The following MUC5AC variants were observed in gnomAD, a reference collection of about 807,000 sequenced individuals.
The protein encoded by MUC5AC is mucin-5AC.
MUC5AC carries 158 observed loss-of-function variants against 169.7 expected under a neutral mutation model. That is an observed-to-expected ratio of 0.93 (90% CI 0.82 to 1.06). The LOEUF (loss-of-function observed/expected upper bound fraction) is 1.06. Ranked by LOEUF, MUC5AC falls within the 50% of genes least tolerant of loss-of-function variation. The pLI, the probability that MUC5AC is intolerant of heterozygous loss-of-function variation, is 0.00. For synonymous variants in MUC5AC, 1,975 were observed against 1,237.0 expected (o/e 1.60, Z -12.52); for missense variants, 4,359 against 3,089.9 (o/e 1.41, Z -9.74).
Position 1,192,010 on chromosome 11 carries a change from C to G in MUC5AC, c.13865C>G (p.Pro4622Arg), listed in dbSNP as rs754906246. ...LSVSKTTHSQ[P>R]VTSDCHPLCA... ...GTATCCAAGACAACCCACTCCCAAC[C>G]AGTCACCAGTGACTGTCATCCTCTG... is the stretch of plus-strand genomic sequence containing the variant. The change falls in exon 31 of 49, where the codon CCA becomes CGA. Residue 4622 changes from proline (P) to arginine (R), a missense_variant. Physicochemically the swap from Pro to Arg is moderately radical, Grantham distance 103. Transcript: ENST00000621226. The G allele has an allele frequency of 3.9e-6, 3 of 765,042 alleles. No homozygotes were observed. Among genetic ancestry groups the G allele is most frequent in the Non-Finnish European group, 7.2e-6 (3 of 417,930 alleles). The allele number at this position is 765,042 out of a possible 1,614,324, so 47.4% of individuals were successfully genotyped here.
rs1316423456 is a variant in MUC5AC, at chr11:1,200,925, G to A, written c.*223G>A. The A allele has an allele frequency of 7.2e-5, 31 of 432,726 alleles. No homozygotes were observed. The East Asian group carries it at 9.6e-4, about 13-fold the overall frequency. The allele number at this position is 432,726 out of a possible 1,614,324, so 26.8% of individuals were successfully genotyped here. A position where few individuals can be genotyped will look rare whatever the true frequency, so the allele number is the denominator to read the frequency against. ...GCAGCCACCTCTCAGGACCAGCCCC[G>A]GGGCTGGCCGAGCTCCTCTGGCCAT... is the stretch of plus-strand genomic sequence containing the variant. On this transcript the variant is annotated 3_prime_UTR_variant, in exon 49 of 49. Transcript: ENST00000621226.
chr11:1,173,441 T>G (rs1860600000), intron 16 of MUC5AC, among the ~76,000 whole-genome samples: 1 of 151,776 alleles, frequency 6.6e-6, no homozygotes. Flanking sequence ...ATTCATCCAC[T>G]CATCCACTCA....
chr11:1,194,430 G>T (rs751238188), intron 34 of MUC5AC, 57 bp from the exon 35 acceptor site: 8 of 713,156 alleles, frequency 1.1e-5, no homozygotes, highest in Admixed American at 5.7e-5. Context: ...CCTGAGCAGC[G>T]GCTGACCGCC....
intron 48 of MUC5AC, 104 bp from the exon 49 acceptor site, chr11:1,200,334 G>A (rs1564922415): frequency 3.3e-6 from 2 of 606,154 alleles, no homozygotes; most frequent in East Asian, 5.5e-5. Flanking sequence ...ATGCCTCCAG[G>A]AGCAGGGAAC....
At chr11:1,197,064 G>A (rs566667522) in intron 40 of MUC5AC, among the ~76,000 whole-genome samples, 156 bp downstream of exon 40, 4 of 152,302 alleles carry the variant, frequency 2.6e-5, no homozygotes, top group South Asian at 4.1e-4. Context: ...GGGAGGAGCC[G>A]GGCTCCCAGA....
At chr11:1,169,602 C>T (rs1860438677) in intron 15 of MUC5AC, among the ~76,000 whole-genome samples, 1 of 146,978 alleles carries the variant, frequency 6.8e-6, no homozygotes, top group Non-Finnish European at 1.5e-5. Flanking sequence ...ACCTCACTCA[C>T]TCACCCACTC....
intron 35 of MUC5AC, among the ~76,000 whole-genome samples, 154 bp from the exon 36 acceptor site, chr11:1,194,858 C>T (rs867732585): frequency 3.2e-4 from 49 of 152,242 alleles, no homozygotes; most frequent in African/African-American, 1.2e-3. Flanking sequence ...AGGGACTGTC[C>T]CAGGGTTGTT....
At position 1,161,255 on chromosome 11, in the gene MUC5AC, C is replaced by T. The variant is rs539065935; in HGVS notation, c.152-272C>T. Among the ~76,000 whole-genome samples, 200 of 152,208 alleles carry T rather than the reference C, an allele frequency of 1.3e-3. 1 individual carries two copies. Among genetic ancestry groups the T allele is most frequent in the Non-Finnish European group, 2.4e-3 (162 of 68,014 alleles). ...CTGATGCAGACTCAGGTTCTGAGGC[C>T]CATGGGCATGTGAGAGCTGGCAGCC... On this transcript the variant is annotated intron_variant, in intron 2 of 48. Coordinates refer to ENST00000621226, the MANE Select transcript of MUC5AC (RefSeq NM_001304359.2).
intron 11 of MUC5AC, among the ~76,000 whole-genome samples, chr11:1,166,422 A>C (rs1359904461): frequency 7.2e-6 from 1 of 139,516 alleles, no homozygotes; most frequent in Non-Finnish European, 1.5e-5. Flanking sequence ...CAGTCTCTGC[A>C]CGATGAGAGC....
rs1209194454 is a variant in MUC5AC at position 1,189,801 on chromosome 11, A to C, written c.11656A>C (p.Ser3886Arg). 1.2e-5 allele frequency: 9 copies of C among 724,660 alleles called. No homozygotes were observed. Among genetic ancestry groups the C allele is most frequent in the Non-Finnish European group, 2.0e-5 (8 of 396,894 alleles). The allele number at this position is 724,660 out of a possible 1,614,324, so 44.9% of individuals were successfully genotyped here. A position where few individuals can be genotyped will look rare whatever the true frequency, so the allele number is the denominator to read the frequency against. The change falls in exon 31 of 49, where the codon AGC (serine) becomes CGC (arginine). Residue 3886 changes from serine to arginine, a missense_variant. Ser to Arg is a moderately radical substitution (Grantham distance 110, BLOSUM62 -1). Transcript: ENST00000621226. ...TTSTTSFHTT[S>R]TTSPPTSSTS... Reference sequence around the variant, plus strand: ...CAGCACAACCTCTTTCCATACAACCAGCACAACCTCTCCCCCTACAAGCAG... The same window carrying C: ...CAGCACAACCTCTTTCCATACAACCCGCACAACCTCTCCCCCTACAAGCAG...
In MUC5AC at chr11:1,186,685, C is replaced by G. The variant is rs1333975671; in HGVS notation, c.8540C>G (p.Ala2847Gly). ...SPVPTTSTTS[A>G]PTTSTTSAPT... ...GTTCCCACCACCAGCACAACCTCTG[C>G]CCCTACAACCAGCACAACCTCTGCC... Residue 2847 changes from alanine to glycine, a missense_variant, in exon 31 of 49, where the codon GCC becomes GGC. By Grantham distance (60) the Ala-to-Gly change is moderately conservative. Coordinates refer to ENST00000621226, the MANE Select transcript of MUC5AC (RefSeq NM_001304359.2). The G allele has an allele frequency of 1.4e-6, 1 of 738,196 alleles. No individual in the cohort carries two copies. Among genetic ancestry groups the G allele is most frequent in the East Asian group, 2.5e-5 (1 of 39,896 alleles). 45.7% of individuals were successfully genotyped at this position (738,196 alleles called of 1,614,324 possible). A position where few individuals can be genotyped will look rare whatever the true frequency, so the allele number is the denominator to read the frequency against.
intron 39 of MUC5AC, 69 bp downstream of exon 39, chr11:1,196,789 G>A (rs1201129676): frequency 1.4e-6 from 1 of 732,056 alleles, no homozygotes; most frequent in Non-Finnish European, 2.5e-6. Context: ...CAGGTCCTGG[G>A]GTCTACCCTG....
At chr11:1,174,801 A>G in intron 17 of MUC5AC, 81 bp from the exon 18 acceptor site, 1 of 455,188 alleles carries the variant, frequency 2.2e-6, no homozygotes, top group South Asian at 4.2e-5. Flanking sequence ...AGGGTAGCCG[A>G]GAGGGCTGGG....
At chr11:1,164,991 C>T (rs1287752414) in intron 9 of MUC5AC, among the ~76,000 whole-genome samples, 886 of 75,586 alleles carry the variant, frequency 0.012, no homozygotes, top group Non-Finnish European at 0.014. Flanking sequence ...GCCCCTGTCC[C>T]GGGCCCCTGA....
chr11:1,170,166 C>T (rs1860461612), intron 15 of MUC5AC, among the ~76,000 whole-genome samples: 1 of 55,954 alleles, frequency 1.8e-5, no homozygotes, highest in African/African-American at 1.0e-4. Context: ...CATTCACTCA[C>T]TCACCCACTC....
chr11:1,168,435 G>A (rs779238369), intron 12 of MUC5AC, 48 bp from the exon 13 acceptor site: 1 of 1,576,612 alleles, frequency 6.3e-7, no homozygotes. Flanking sequence ...CGGGGCTGAG[G>A]TGCCGCAAGC....
At chr11:1,193,033 A>G (rs1004682283) in intron 32 of MUC5AC, 51 bp downstream of exon 32, 3 of 626,376 alleles carry the variant, frequency 4.8e-6, no homozygotes, top group Non-Finnish European at 8.7e-6. Flanking sequence ...CCTACAGGGA[A>G]CTTGAATGTC....
rs1554928238 is a variant in MUC5AC at position 1,187,485 on chromosome 11, G to C, written c.9340G>C (p.Ala3114Pro). Reference sequence around the variant, plus strand: ...AACCAGCACAACCTCTGCCTCTACAGCCAGCAAAACCTCTGGTCTTGGAAC... The same window carrying C: ...AACCAGCACAACCTCTGCCTCTACACCCAGCAAAACCTCTGGTCTTGGAAC... ...PTTSTTSAST[A>P]SKTSGLGTTP... The change falls in exon 31 of 49, where the codon GCC becomes CCC. Residue 3114 changes from alanine to proline, a missense_variant. By Grantham distance (27) the Ala-to-Pro change is conservative. Transcript: ENST00000621226. 5.5e-6 allele frequency: 4 copies of C among 727,648 alleles called. No individual in the cohort carries two copies. The highest frequency in any genetic ancestry group is 1.9e-5 in the Admixed American group (1 of 53,194). 45.1% of individuals were successfully genotyped at this position (727,648 alleles called of 1,614,324 possible). A position where few individuals can be genotyped will look rare whatever the true frequency, so the allele number is the denominator to read the frequency against.
In MUC5AC at chr11:1,194,213, C is replaced by T. The variant is rs183229727; in HGVS notation, c.14859C>T (p.Pro4953=). Reference sequence around the variant, plus strand: ...ACGTGCTGGTGCAGCAGATTGTGCCCGTGTATGGCCACTTCCGCGTGCTCG... The same window carrying T: ...ACGTGCTGGTGCAGCAGATTGTGCCTGTGTATGGCCACTTCCGCGTGCTCG... ...CTYVLVQQIV[P]VYGHFRVLVD... is the part of the protein sequence containing the mutation. The change falls in exon 34 of 49, where the codon CCC becomes CCT. Residue 4953 remains proline, a synonymous_variant. Transcript: ENST00000621226. 1.7e-4 allele frequency: 129 copies of T among 765,030 alleles called. No individual in the cohort carries two copies. The African/African-American group carries it at 1.8e-3, about 11-fold the overall frequency. The allele number at this position is 765,030 out of a possible 1,614,324, so 47.4% of individuals were successfully genotyped here. A position where few individuals can be genotyped will look rare whatever the true frequency, so the allele number is the denominator to read the frequency against.
Sources: gnomAD v4.1 joint callset for allele counts (sites outside exome capture counted in the v4.1 genomes callset) on GRCh38, gnomAD v4.1.1 for gene constraint, MANE v1.5 for transcripts, NCBI Gene and HGNC (gene_info 2026-07-23, HGNC 2026-07-21) for gene names.